CACNA1I: variants seen among roughly 807,000 people sequenced by gnomAD.
The protein encoded by CACNA1I is voltage-dependent T-type calcium channel subunit alpha-1I.
Under a neutral mutation model 201.6 loss-of-function variants are expected in CACNA1I, and 74 were observed. That is an observed-to-expected ratio of 0.37 (90% confidence interval 0.30 to 0.45). The LOEUF (loss-of-function observed/expected upper bound fraction) is 0.45. Among genes scored for constraint, CACNA1I ranks in the 20% least tolerant of loss-of-function variants. The pLI is 1.00. For missense variants in CACNA1I, 2,346 were observed against 3,138.1 expected, an observed-to-expected ratio of 0.75 and a Z score of 6.03; for synonymous variants, 1,431 against 1,345.2, an observed-to-expected ratio of 1.06 and a Z score of -1.40.
rs1934502527 is a variant in CACNA1I at position 39,646,741 on chromosome 22, A to G, written c.1322A>G (p.Tyr441Cys). The G allele has an allele frequency of 6.3e-7, 1 of 1,597,820 alleles. No individual in the cohort carries two copies. Among genetic ancestry groups the G allele is most frequent in the Admixed American group, 1.7e-5 (1 of 58,374 alleles). ...GACTGCTACGAGGAGATCTTCCAGT[A>G]TGTCTGCCACATCCTGCGCAAGGCC... The part of the protein sequence containing the change: ...PGDCYEEIFQ[Y>C]VCHILRKAKR... The change falls in exon 8 of 37, where the codon TAT becomes TGT. Residue 441 changes from tyrosine (Y) to cysteine (C), a missense_variant. Around this residue, in one of 13 missense-constraint regions of CACNA1I, gnomAD observed 312 missense variants for 331.5 expected, o/e 0.94. Transcript: ENST00000402142.
intron 3 of CACNA1I, among the ~76,000 whole-genome samples, chr22:39,618,799 T>C (rs1486729958): frequency 6.6e-6 from 1 of 151,936 alleles, no homozygotes; most frequent in East Asian, 1.9e-4. Flanking sequence ...AGGTTTGCTG[T>C]GCTTCCACCG....
chr22:39,685,966 G>A lies in CACNA1I; in HGVS notation c.6233G>A (p.Arg2078Gln). ...SLRGRGLFSLRGLRAHQRSHS... is the reference protein window; with the variant it reads ...SLRGRGLFSLQGLRAHQRSHS... ...CGCGGCCGGGGCCTCTTCAGCCTGC[G>A]GGGGCTGCGGGCGCATCAGCGCAGC... The change falls in exon 37 of 37, where the codon CGG becomes CAG. Residue 2078 changes from arginine (R) to glutamine (Q), a missense_variant. Coordinates refer to ENST00000402142, the MANE Select transcript of CACNA1I (RefSeq NM_021096.4). This position sits in a 1 kb window ranked among gnomAD's most constrained non-coding sequence, Gnocchi z 5.0. 2 of 1,257,846 alleles carry A rather than the reference G, an allele frequency of 1.6e-6. No homozygotes were observed. Among genetic ancestry groups the A allele is most frequent in the African/African-American group, 1.6e-5 (1 of 63,896 alleles). 77.9% of individuals were successfully genotyped at this position (1,257,846 alleles called of 1,614,324 possible).
At chr22:39,598,409 G>T in intron 2 of CACNA1I, 147 bp downstream of exon 2, 1 of 614,564 alleles carries the variant, frequency 1.6e-6, no homozygotes, top group East Asian at 2.8e-5. Context: ...TCCCCATCCT[G>T]CGCTGCACTA....
intron 3 of CACNA1I, among the ~76,000 whole-genome samples, chr22:39,602,845 T>A (rs1030854676): frequency 1.3e-5 from 2 of 152,048 alleles, no homozygotes; most frequent in Admixed American, 6.6e-5. Flanking sequence ...AGGGGGACCT[T>A]AGAGAACTCA....
rs887474401 is a variant in CACNA1I at position 39,677,127 on chromosome 22, A to G, written c.4855-214A>G. Among the ~76,000 whole-genome samples the G allele has an allele frequency of 3.3e-5, 5 of 152,326 alleles. No homozygotes were observed. Among genetic ancestry groups the G allele is most frequent in the East Asian group, 1.9e-4 (1 of 5,182 alleles). ...GACAGCTTGTGGTAAAGGTGGCACA[A>G]GTGTTTTCTTGTTATTCTGAGCCCT... On this transcript the variant is annotated intron_variant, in intron 29 of 36. Transcript: ENST00000402142. This position sits in a 1 kb window ranked among gnomAD's most constrained non-coding sequence, Gnocchi z 4.8.
At chr22:39,672,072 T>C in intron 26 of CACNA1I, 127 bp from the exon 27 acceptor site, 1 of 655,806 alleles carries the variant, frequency 1.5e-6, no homozygotes, top group African/African-American at 1.8e-5. Context: ...AAAAGCAGCA[T>C]ATAAATAATT....
chr22:39,588,774 C>A (rs1001081011), intron 1 of CACNA1I, among the ~76,000 whole-genome samples: 1 of 152,192 alleles, frequency 6.6e-6, no homozygotes, highest in Non-Finnish European at 1.5e-5. Flanking sequence ...CTGTCCCCCA[C>A]CTGCCTTGGG....
chr22:39,653,258 C>T (rs1934705161), intron 10 of CACNA1I, among the ~76,000 whole-genome samples: 1 of 152,194 alleles, frequency 6.6e-6, no homozygotes, highest in Admixed American at 6.5e-5. Flanking sequence ...GTGCATTTAC[C>T]ATCCTCTGTC....
chr22:39,622,558 A>G (rs1933777344), intron 4 of CACNA1I, among the ~76,000 whole-genome samples: 1 of 130,106 alleles, frequency 7.7e-6, no homozygotes, highest in African/African-American at 2.9e-5. Flanking sequence ...AGAGGTTAGC[A>G]AGTGGTTGCT....
chr22:39,662,029 C>G lies in CACNA1I; in HGVS notation c.2966C>G (p.Ser989Cys). The G allele has an allele frequency of 6.4e-7, 1 of 1,567,394 alleles. No individual in the cohort carries two copies. Among genetic ancestry groups the G allele is most frequent in the Non-Finnish European group, 8.6e-7 (1 of 1,161,092 alleles). The change falls in exon 17 of 37, where the codon TCC (serine) becomes TGC (cysteine). Residue 989 changes from serine (S) to cysteine (C), a missense_variant. This residue lies in a region of CACNA1I where 288 missense variants were observed against 255.2 expected (regional missense o/e 1.13). Transcript: ENST00000402142. ...AGCGCGGCCTGGGCCAGCCGTCGCT[C>G]CAGCTGGAACAGCCTCAAGCACAAG... ...GRSAAWASRR[S>C]SWNSLKHKPP...
intron 35 of CACNA1I, 150 bp downstream of exon 35, chr22:39,682,811 T>G: frequency 1.6e-6 from 1 of 642,652 alleles, no homozygotes; most frequent in Non-Finnish European, 2.6e-6. Context: ...CAATGAGAGA[T>G]AGACTCTCAG....
intron 18 of CACNA1I, among the ~76,000 whole-genome samples, 163 bp downstream of exon 18, chr22:39,663,039 G>T (rs1935077734): frequency 6.6e-6 from 1 of 152,218 alleles, no homozygotes; most frequent in African/African-American, 2.4e-5. Flanking sequence ...GCCTCCTGAG[G>T]GCTGCTGGGT....
Position 39,668,321 on chromosome 22 carries a change from C to A in CACNA1I, c.4134C>A (p.Ser1378=), listed in dbSNP as rs374654693. 58 of 1,613,402 alleles carry A rather than the reference C, an allele frequency of 3.6e-5. No individual in the cohort carries two copies. Among genetic ancestry groups the A allele is most frequent in the Non-Finnish European group, 4.4e-5 (52 of 1,179,550 alleles). ...TGATGTCCCTCTTTGTCCTGGCATC[C>A]AAGGATGGTTGGGTGAACATCATGT... ...QALMSLFVLA[S]KDGWVNIMYN... is the part of the protein sequence containing the mutation. Residue 1378 remains serine (S), a synonymous_variant, in exon 24 of 37, where the codon TCC becomes TCA. Transcript: ENST00000402142.
intron 17 of CACNA1I, 59 bp from the exon 18 acceptor site, chr22:39,662,717 G>A (rs1461309488): frequency 7.9e-7 from 1 of 1,262,384 alleles, no homozygotes; most frequent in South Asian, 1.3e-5. Context: ...GGCCGCATGG[G>A]CGGAGACCGG....
intron 5 of CACNA1I, among the ~76,000 whole-genome samples, chr22:39,635,319 G>A (rs1030269106): frequency 1.4e-4 from 21 of 152,170 alleles, no homozygotes; most frequent in African/African-American, 3.1e-4. Context: ...GCCTGTGCTC[G>A]GGGCTCAGGA....
intron 4 of CACNA1I, among the ~76,000 whole-genome samples, chr22:39,625,626 C>G (rs1448388180): frequency 6.6e-6 from 1 of 152,192 alleles, no homozygotes; most frequent in South Asian, 2.1e-4. Flanking sequence ...CTCTCCACCC[C>G]ACCCCTGCAG....
rs1935531418 is a variant in CACNA1I, at chr22:39,677,045, G to T, written c.4855-296G>T. Among the ~76,000 whole-genome samples, 1 of 152,226 alleles carries T rather than the reference G, an allele frequency of 6.6e-6. No individual in the cohort carries two copies. The highest frequency in any genetic ancestry group is 1.9e-4 in the East Asian group (1 of 5,206). On this transcript the variant is annotated intron_variant, in intron 29 of 36. Coordinates refer to ENST00000402142, the MANE Select transcript of CACNA1I (RefSeq NM_021096.4). The surrounding 1 kb of genome is among the most constrained non-coding windows in gnomAD (Gnocchi z 4.8). ...TTCTGAAGAATGGGGATAAAAGATA[G>T]TTCGTGGATTATTGTGAGGAGGAAG...
intron 2 of CACNA1I, among the ~76,000 whole-genome samples, chr22:39,598,941 G>GTTT (rs3044380): frequency 0.36 from 24,889 of 68,334 alleles, 6,776 homozygotes; most frequent in Non-Finnish European, 0.43. Flanking sequence ...TGCCTCTTGG[G>GTTT]TTTTTTTTTT....
At chr22:39,613,921 T>C (rs996248455) in intron 3 of CACNA1I, among the ~76,000 whole-genome samples, 1 of 152,070 alleles carries the variant, frequency 6.6e-6, no homozygotes, top group Non-Finnish European at 1.5e-5. Flanking sequence ...CACTGCAACC[T>C]CCGCCTCCTG....
Sources: gnomAD v4.1 joint callset for allele counts (sites outside exome capture counted in the v4.1 genomes callset) on GRCh38, gnomAD v4.1.1 for gene constraint, gnomAD v4.1.1 regional missense constraint, Gnocchi (gnomAD v3.1) non-coding constraint, MANE v1.5 for transcripts, NCBI Gene and HGNC (gene_info 2026-07-23, HGNC 2026-07-21) for gene names.